RAB11FIP2: variants seen among roughly 807,000 people sequenced by gnomAD.
RAB11FIP2 encodes the protein RAB11 family interacting protein 2.
Under a neutral mutation model 40.9 loss-of-function variants are expected in RAB11FIP2, and 16 were observed. The observed-to-expected ratio is 0.39, with a 90% CI of 0.26 to 0.59. The LOEUF (loss-of-function observed/expected upper bound fraction) is 0.59. Among genes scored for constraint, RAB11FIP2 ranks in the 20% least tolerant of loss-of-function variants. The pLI is 0.53. For missense variants in RAB11FIP2, 532 were observed against 606.2 expected (o/e 0.88, Z 1.28); for synonymous variants, 228 against 213.7 (o/e 1.07, Z -0.58).
intron 1 of RAB11FIP2, chr10:118,045,379 A>T (rs1328024560): frequency 6.2e-6 from 1 of 161,160 alleles, no homozygotes. Context: ...AAATCTGGTG[A>T]TTTATCTTTT....
intron 4 of RAB11FIP2, among the ~76,000 whole-genome samples, chr10:118,012,200 C>T (rs368591237): frequency 1.3e-5 from 2 of 151,824 alleles, no homozygotes; most frequent in East Asian, 3.8e-4. Context: ...CTCTAGAATA[C>T]ACAGATATGT....
chr10:118,021,898 A>T (rs922366560), intron 3 of RAB11FIP2, among the ~76,000 whole-genome samples: 4 of 152,198 alleles, frequency 2.6e-5, no homozygotes, highest in East Asian at 3.8e-4. Flanking sequence ...CGGAGATTTC[A>T]TATTCTCTCA....
chr10:118,045,915 G>A lies in RAB11FIP2; in HGVS notation c.249C>T (p.Phe83=), dbSNP rs1254343486. Residue 83 remains phenylalanine (F), a synonymous_variant, in exon 1 of 5, where the codon TTC becomes TTT. Transcript: ENST00000355624. ...IQGSPEKYIL[F]LIVMHRSLVG... Reference sequence around the variant, plus strand: ...CCAGGGACCTGTGCATAACTATAAGGAAAAGAATGTATTTCTCTGGACTTC... The same window carrying A: ...CCAGGGACCTGTGCATAACTATAAGAAAAAGAATGTATTTCTCTGGACTTC... 1.9e-6 allele frequency: 3 copies of A among 1,614,096 alleles called. No individual in the cohort carries two copies. In the African/African-American group the frequency reaches 4.0e-5, roughly 22 times the overall value.
chr10:118,041,543 T>C (rs1361025571), intron 1 of RAB11FIP2, among the ~76,000 whole-genome samples: 1 of 152,144 alleles, frequency 6.6e-6, no homozygotes, highest in Non-Finnish European at 1.5e-5. Flanking sequence ...GTTTCTACAA[T>C]GTTTTCACAT....
At chr10:118,014,120 TTAAAGA>T (rs1157232534) in intron 4 of RAB11FIP2, among the ~76,000 whole-genome samples, 5 of 152,042 alleles carry the variant, frequency 3.3e-5, no homozygotes, top group African/African-American at 1.2e-4. Context: ...TTCCACAATT[TTAAAGA>T]TAAACAACTG....
chr10:118,027,714 C>T (rs1011648492), intron 3 of RAB11FIP2, among the ~76,000 whole-genome samples: 1 of 152,140 alleles, frequency 6.6e-6, no homozygotes, highest in Non-Finnish European at 1.5e-5. Flanking sequence ...ATGACTCCAA[C>T]TAGAAAAGAA....
At chr10:118,027,770 G>T (rs1846362287) in intron 3 of RAB11FIP2, among the ~76,000 whole-genome samples, 1 of 152,074 alleles carries the variant, frequency 6.6e-6, no homozygotes, top group Non-Finnish European at 1.5e-5. Context: ...TGATATAATA[G>T]TATTTAGTCA....
chr10:118,021,501 C>T (rs984052294), intron 3 of RAB11FIP2, among the ~76,000 whole-genome samples: 2 of 152,178 alleles, frequency 1.3e-5, no homozygotes. Flanking sequence ...TAGGACTCGT[C>T]GACAGTCCAT....
chr10:118,020,935 T>C (rs1846276780), intron 3 of RAB11FIP2, among the ~76,000 whole-genome samples: 1 of 152,150 alleles, frequency 6.6e-6, no homozygotes. Flanking sequence ...TCATATGAAT[T>C]ACCTATACTT....
At chr10:118,035,421 T>C (rs1258406429) in intron 3 of RAB11FIP2, among the ~76,000 whole-genome samples, 1 of 152,138 alleles carries the variant, frequency 6.6e-6, no homozygotes, top group African/African-American at 2.4e-5. Context: ...TAAAAATGCA[T>C]ACATACGGCT....
intron 2 of RAB11FIP2, 83 bp downstream of exon 2, chr10:118,040,040 T>C (rs1846534558): frequency 7.4e-7 from 1 of 1,357,320 alleles, no homozygotes; most frequent in Non-Finnish European, 1.0e-6. Flanking sequence ...AACTGCTATT[T>C]TGATTTACTA....
At position 118,005,567 on chromosome 10, in the gene RAB11FIP2, A is replaced by G. The variant is rs74638723; in HGVS notation, c.*3431T>C. 0.017 allele frequency: 2,518 copies of G among 152,422 alleles called. 72 individuals are homozygous for G. The highest frequency in any genetic ancestry group is 0.13 in the East Asian group (652 of 5,162). 9.4% of individuals were successfully genotyped at this position (152,422 alleles called of 1,614,324 possible). ...AAAGGGACCAAGTGAATGAGCATGC[A>G]TCATACTTCACTTACACATACACAC... On this transcript the variant is annotated 3_prime_UTR_variant, in exon 5 of 5. Transcript: ENST00000355624.
chr10:118,032,373 T>G (rs928025373), intron 3 of RAB11FIP2, among the ~76,000 whole-genome samples: 1 of 149,206 alleles, frequency 6.7e-6, no homozygotes, highest in African/African-American at 2.4e-5. Flanking sequence ...ATGCTCACTA[T>G]AATTTAGGGT....
chr10:118,039,162 G>C lies in RAB11FIP2; in HGVS notation c.1075C>G (p.Leu359Val). The change falls in exon 3 of 5, where the codon CTG becomes GTG. Residue 359 changes from leucine to valine, a missense_variant. By Grantham distance (32) the Leu-to-Val change is conservative. Transcript: ENST00000355624. The stretch of plus-strand genomic sequence containing the variant: ...TTTTTTCCAGTCACTCTTTCAAACA[G>C]GCTAACTTTCTCCCTTTTCTCTCTT... ...NKREKREKVS[L>V]FERVTGKKDS... The C allele has an allele frequency of 6.2e-7, 1 of 1,613,626 alleles. No homozygotes were observed. Among genetic ancestry groups the C allele is most frequent in the Non-Finnish European group, 8.5e-7 (1 of 1,179,778 alleles).
intron 4 of RAB11FIP2, among the ~76,000 whole-genome samples, chr10:118,009,669 T>C (rs939218930): frequency 1.3e-5 from 2 of 152,168 alleles, no homozygotes; most frequent in Non-Finnish European, 2.9e-5. Context: ...TAATGTTATA[T>C]GTTTGGCTTC....
intron 3 of RAB11FIP2, among the ~76,000 whole-genome samples, chr10:118,024,794 T>C (rs1443467505): frequency 2.0e-5 from 3 of 152,152 alleles, no homozygotes; most frequent in Non-Finnish European, 4.4e-5. Context: ...AAGCTGGCTC[T>C]GTGTGGGCCT....
chr10:118,025,004 A>T (rs1161013130), intron 3 of RAB11FIP2, among the ~76,000 whole-genome samples: 1 of 151,674 alleles, frequency 6.6e-6, no homozygotes, highest in African/African-American at 2.4e-5. Flanking sequence ...GATGCAAGCC[A>T]CAGGCTCCTA....
intron 1 of RAB11FIP2, among the ~76,000 whole-genome samples, chr10:118,042,502 T>C (rs1846573326): frequency 6.6e-6 from 1 of 152,186 alleles, no homozygotes; most frequent in South Asian, 2.1e-4. Context: ...ATGAACCACA[T>C]ATGTTAATAA....
chr10:118,032,159 T>C (rs1054979082), intron 3 of RAB11FIP2, among the ~76,000 whole-genome samples: 1 of 152,098 alleles, frequency 6.6e-6, no homozygotes, highest in African/African-American at 2.4e-5. Context: ...TCTGTGGTCC[T>C]GAAATTTTTC....
Sources: allele counts gnomAD v4.1 joint callset (sites outside exome capture counted in the v4.1 genomes callset), GRCh38; gene constraint gnomAD v4.1.1; transcripts MANE v1.5; gene names NCBI Gene and HGNC (gene_info 2026-07-23, HGNC 2026-07-21).